KHDRBS2: variants seen among roughly 807,000 people sequenced by gnomAD.
KHDRBS2 encodes the protein KH domain-containing, RNA-binding, signal transduction-associated protein 2.
Under a neutral mutation model 44.3 loss-of-function variants are expected in KHDRBS2, and 26 were observed. The ratio of observed to expected loss-of-function variants is 0.59; its 90% CI spans 0.43 to 0.81. The LOEUF is 0.81. Ranked by LOEUF, KHDRBS2 falls within the 40% of genes least tolerant of loss-of-function variation. KHDRBS2 has a pLI of 0.00. For synonymous variants in KHDRBS2, 194 were observed against 151.1 expected (o/e 1.28, Z -2.08); for missense variants, 476 against 433.1 (o/e 1.10, Z -0.88).
intron 6 of KHDRBS2, among the ~76,000 whole-genome samples, chr6:61,734,037 G>A (rs996623733): frequency 6.6e-6 from 1 of 152,070 alleles, no homozygotes; most frequent in African/African-American, 2.4e-5. Flanking sequence ...CATTAGTCTT[G>A]ACTAACACTT....
At chr6:62,186,486 T>C (rs1212968492) in intron 1 of KHDRBS2, among the ~76,000 whole-genome samples, 1 of 152,138 alleles carries the variant, frequency 6.6e-6, no homozygotes, top group South Asian at 2.1e-4. Flanking sequence ...TTTAAGTAGA[T>C]TGTTAATTAT....
chr6:61,866,615 T>A (rs572322332), intron 6 of KHDRBS2, among the ~76,000 whole-genome samples: 1 of 152,330 alleles, frequency 6.6e-6, no homozygotes, highest in Admixed American at 6.5e-5. Context: ...AAAATGGGAT[T>A]TTCTTTTCTA....
the KHDRBS2 span, among the ~76,000 whole-genome samples, chr6:61,667,269 GA>G: frequency 6.7e-6 from 1 of 149,908 alleles, no homozygotes; most frequent in Non-Finnish European, 1.5e-5. Flanking sequence ...TGTAATAGTA[GA>G]TCCTAAAGAA....
At chr6:61,945,492 C>T (rs1035428090) in intron 4 of KHDRBS2, among the ~76,000 whole-genome samples, 1 of 151,900 alleles carries the variant, frequency 6.6e-6, no homozygotes, top group Non-Finnish European at 1.5e-5. Context: ...AACGGCACAA[C>T]TTAAACCACA....
the KHDRBS2 span, among the ~76,000 whole-genome samples, chr6:61,611,683 G>T: frequency 1.3e-5 from 2 of 152,110 alleles, no homozygotes; most frequent in Non-Finnish European, 2.9e-5. Flanking sequence ...GATACAGGGA[G>T]TACTTTCTTA....
the KHDRBS2 span, among the ~76,000 whole-genome samples, chr6:61,671,344 T>A: frequency 6.6e-6 from 1 of 151,736 alleles, no homozygotes; most frequent in African/African-American, 2.4e-5. Flanking sequence ...GTTGCCAATT[T>A]TTAAGTTGGT....
the KHDRBS2 span, among the ~76,000 whole-genome samples, chr6:61,638,703 G>A: frequency 1.3e-5 from 2 of 152,058 alleles, no homozygotes; most frequent in Non-Finnish European, 2.9e-5. Context: ...AAATCAATTA[G>A]CATTATTCTG....
At chr6:61,801,023 T>C (rs1040901211) in intron 6 of KHDRBS2, among the ~76,000 whole-genome samples, 1 of 152,174 alleles carries the variant, frequency 6.6e-6, no homozygotes, top group Non-Finnish European at 1.5e-5. Context: ...CATGCCTGCA[T>C]TTGCACCTGT....
At position 62,285,790 on chromosome 6, in the gene KHDRBS2, C is replaced by T. The variant is rs1351089145; in HGVS notation, c.91+68G>A. The T allele has an allele frequency of 8.2e-6, 9 of 1,102,770 alleles. No homozygotes were observed. In the Admixed American group the frequency reaches 1.1e-4, roughly 13 times the overall value. The allele number at this position is 1,102,770 out of a possible 1,614,324, so 68.3% of individuals were successfully genotyped here. A position where few individuals can be genotyped will look rare whatever the true frequency, so the allele number is the denominator to read the frequency against. ...AGAGGAGTCCCTCCCCAACTTCACTCCCCTAATCAAGCCGCGGGTGAGATA... is the reference window on the plus strand; with the variant it reads ...AGAGGAGTCCCTCCCCAACTTCACTTCCCTAATCAAGCCGCGGGTGAGATA... On this transcript the variant is annotated intron_variant, in intron 1 of 8. Transcript: ENST00000281156.
intron 2 of KHDRBS2, among the ~76,000 whole-genome samples, chr6:62,079,704 T>C (rs1407634879): frequency 6.6e-6 from 1 of 152,096 alleles, no homozygotes; most frequent in Admixed American, 6.6e-5. Context: ...AACAGAGTGA[T>C]ATCTAATATA....
intron 6 of KHDRBS2, among the ~76,000 whole-genome samples, chr6:61,860,669 G>T (rs1264556658): frequency 6.6e-6 from 1 of 152,008 alleles, no homozygotes; most frequent in Non-Finnish European, 1.5e-5. Flanking sequence ...GAATAATGCT[G>T]CAGTGGACAT....
intron 7 of KHDRBS2, among the ~76,000 whole-genome samples, chr6:61,718,415 T>C (rs577229769): frequency 1.5e-4 from 23 of 152,278 alleles, no homozygotes; most frequent in African/African-American, 5.5e-4. Context: ...CAACTGGCAC[T>C]AATATGTACA....
the KHDRBS2 span, among the ~76,000 whole-genome samples, chr6:61,647,553 A>G: frequency 6.6e-6 from 1 of 152,214 alleles, no homozygotes; most frequent in Non-Finnish European, 1.5e-5. Context: ...ATTAAAAAAT[A>G]GATTATAAGA....
chr6:62,228,163 T>C (rs1287279497), intron 1 of KHDRBS2, among the ~76,000 whole-genome samples: 1 of 152,182 alleles, frequency 6.6e-6, no homozygotes, highest in Non-Finnish European at 1.5e-5. Context: ...AAGGCTTTAT[T>C]CGGTTGGTAG....
At chr6:62,245,825 C>T (rs1835455778) in intron 1 of KHDRBS2, among the ~76,000 whole-genome samples, 1 of 151,678 alleles carries the variant, frequency 6.6e-6, no homozygotes, top group South Asian at 2.1e-4. Flanking sequence ...TCTTCTCTCA[C>T]GTCTTTAGAA....
At chr6:61,774,996 T>A (rs887887638) in intron 6 of KHDRBS2, among the ~76,000 whole-genome samples, 1 of 151,922 alleles carries the variant, frequency 6.6e-6, no homozygotes, top group African/African-American at 2.4e-5. Flanking sequence ...CATACACAAA[T>A]CAATAAATGT....
At chr6:61,668,264 T>G in the KHDRBS2 span, among the ~76,000 whole-genome samples, 1 of 151,062 alleles carries the variant, frequency 6.6e-6, no homozygotes, top group Non-Finnish European at 1.5e-5. Flanking sequence ...TAGTCCTATT[T>G]TTTAATATCT....
At chr6:62,056,490 A>C (rs1159066388) in intron 2 of KHDRBS2, among the ~76,000 whole-genome samples, 2 of 152,098 alleles carry the variant, frequency 1.3e-5, no homozygotes, top group African/African-American at 2.4e-5. Context: ...GAAAGACATA[A>C]GGTATTATAA....
the KHDRBS2 span, among the ~76,000 whole-genome samples, chr6:61,625,665 CTGT>C: frequency 1.0e-3 from 152 of 152,234 alleles, no homozygotes; most frequent in Admixed American, 3.2e-3. Context: ...CTTTTCTTCT[CTGT>C]TTTCACAGAT....
Sources: allele counts gnomAD v4.1 joint callset (sites outside exome capture counted in the v4.1 genomes callset), GRCh38; gene constraint gnomAD v4.1.1; transcripts MANE v1.5; gene names NCBI Gene and HGNC (gene_info 2026-07-23, HGNC 2026-07-21).